Variants in CYP3A4 observed in about 807,000 individuals in gnomAD.
CYP3A4 encodes cytochrome P450 family 3 subfamily A member 4, also known as cytochrome P450 3A4.
CYP3A4 carries 41 observed loss-of-function variants against 54.9 expected under a neutral mutation model. The ratio of observed to expected loss-of-function variants is 0.75; its 90% CI spans 0.58 to 0.97. CYP3A4 has a LOEUF of 0.97. Ranked by LOEUF, CYP3A4 falls within the 50% of genes least tolerant of loss-of-function variation. The pLI, the probability that CYP3A4 is intolerant of heterozygous loss-of-function variation, is 0.00. For missense variants in CYP3A4, 510 were observed against 597.3 expected (o/e 0.85, Z 1.52); for synonymous variants, 179 against 205.2 (o/e 0.87, Z 1.09).
chr7:99,768,448 G>C lies in CYP3A4; in HGVS notation c.576C>G (p.Asn192Lys), dbSNP rs906783396. Reference sequence around the variant, plus strand: ...CTTGTGGATTGTTGAGAGAGTCGATGTTCACTCCAAATGATGTGCTAGTGA... The same window carrying C: ...CTTGTGGATTGTTGAGAGAGTCGATCTTCACTCCAAATGATGTGCTAGTGA... ...DVITSTSFGV[N>K]IDSLNNPQDP... Residue 192 changes from asparagine to lysine, a missense_variant, in exon 7 of 13, where the codon AAC becomes AAG. Asn to Lys is a moderately conservative substitution (Grantham distance 94). Coordinates refer to ENST00000651514, the MANE Select transcript of CYP3A4 (RefSeq NM_017460.6). The C allele has an allele frequency of 5.6e-6, 9 of 1,613,946 alleles. No individual in the cohort carries two copies. The highest frequency in any genetic ancestry group is 7.6e-6 in the Non-Finnish European group (9 of 1,179,960).
Position 99,760,904 on chromosome 7 carries a change from C to T in CYP3A4, c.1331G>A (p.Gly444Asp), listed in dbSNP as rs1162067586. ...PFGSGPRNCI[G>D]MRFALMNMKL... ...CATGTTCATGAGAGCAAACCTCATG[C>T]CAATGCAGTTTCTGGGTCCACTTCC... is the stretch of plus-strand genomic sequence containing the variant. The change falls in exon 12 of 13, where the codon GGC (glycine) becomes GAC (aspartate). Residue 444 changes from glycine to aspartate, a missense_variant. This residue lies in a region of CYP3A4 where 238 missense variants were observed against 322.5 expected (regional missense o/e 0.74). Transcript: ENST00000651514. The T allele has an allele frequency of 1.2e-6, 2 of 1,613,994 alleles. No individual in the cohort carries two copies. The highest frequency in any genetic ancestry group is 1.1e-5 in the South Asian group (1 of 91,076).
intron 4 of CYP3A4, among the ~76,000 whole-genome samples, chr7:99,770,714 A>G (rs1019706293): frequency 9.2e-5 from 14 of 152,342 alleles, no homozygotes; most frequent in African/African-American, 3.1e-4. Context: ...TTTTAAAAAA[A>G]ATAGTAGGTA....
intron 1 of CYP3A4, among the ~76,000 whole-genome samples, chr7:99,781,532 T>A (rs1448091717): frequency 4.6e-5 from 7 of 151,916 alleles, no homozygotes; most frequent in African/African-American, 1.5e-4. Context: ...CGAACTGGGG[T>A]TTCTGGATGT....
At chr7:99,778,518 C>T (rs956110890) in intron 2 of CYP3A4, among the ~76,000 whole-genome samples, 1 of 152,128 alleles carries the variant, frequency 6.6e-6, no homozygotes, top group Non-Finnish European at 1.5e-5. Flanking sequence ...TTCATGAGCT[C>T]GCTCTAGAGT....
At chr7:99,758,371 A>G (rs968388439) in intron 12 of CYP3A4, 143 bp from the exon 13 acceptor site, 1 of 897,092 alleles carries the variant, frequency 1.1e-6, no homozygotes, top group African/African-American at 1.7e-5. Flanking sequence ...ATGGGCAAAA[A>G]AAATGCAGTA....
intron 9 of CYP3A4, among the ~76,000 whole-genome samples, 190 bp downstream of exon 9, chr7:99,766,186 CT>C (rs2151557287): frequency 6.6e-6 from 1 of 152,208 alleles, no homozygotes; most frequent in East Asian, 1.9e-4. Flanking sequence ...GCCCTTTACT[CT>C]TAGAACATGG....
rs140728632 is a variant in CYP3A4, at chr7:99,771,900, C to T, written c.318+690G>A. 6.4e-3 allele frequency among the ~76,000 whole-genome samples: 975 copies of T among 152,138 alleles called. 11 individuals are homozygous for T. The highest frequency in any genetic ancestry group is 0.021 in the African/African-American group (891 of 41,516). ...AGCCATAAGCCACAAAAAAAATGAACCTTGATCTAAATCTCATACCTTATA... is the reference window on the plus strand; with the variant it reads ...AGCCATAAGCCACAAAAAAAATGAATCTTGATCTAAATCTCATACCTTATA... On this transcript the variant is annotated intron_variant, in intron 4 of 12. Transcript: ENST00000651514.
At chr7:99,772,507 A>G in intron 4 of CYP3A4, 83 bp downstream of exon 4, 1 of 1,559,810 alleles carries the variant, frequency 6.4e-7, no homozygotes, top group Non-Finnish European at 8.7e-7. Flanking sequence ...GACATTTTTT[A>G]GGCAACTGTC....
At chr7:99,767,330 C>A in intron 7 of CYP3A4, 72 bp from the exon 8 acceptor site, 2 of 1,313,756 alleles carry the variant, frequency 1.5e-6, no homozygotes, top group Non-Finnish European at 1.0e-6. Context: ...TGGAGCAATT[C>A]TAGTTTTCTC....
chr7:99,765,814 G>C (rs966152198), intron 9 of CYP3A4, among the ~76,000 whole-genome samples: 1 of 152,138 alleles, frequency 6.6e-6, no homozygotes, highest in African/African-American at 2.4e-5. Flanking sequence ...TTCCCCACAA[G>C]TTACTAATCC....
chr7:99,762,179 C>A lies in CYP3A4; in HGVS notation c.1115G>T (p.Arg372Ile), dbSNP rs374926260. Residue 372 changes from arginine to isoleucine, a missense_variant, in exon 11 of 13, where the codon AGA becomes ATA. Physicochemically the swap from Arg to Ile is moderately conservative, Grantham distance 97 (BLOSUM62 -3). This residue lies in a region of CYP3A4 where 238 missense variants were observed against 322.5 expected (regional missense o/e 0.74). Transcript: ENST00000651514. ...ETLRLFPIAM[R>I]LERVCKKDVE... Reference sequence around the variant, plus strand: ...ATCTTTTTTGCAGACCCTCTCAAGTCTCATAGCAATTGGGAATAATCTGAG... The same window carrying A: ...ATCTTTTTTGCAGACCCTCTCAAGTATCATAGCAATTGGGAATAATCTGAG... The A allele has an allele frequency of 6.2e-7, 1 of 1,613,940 alleles. No individual in the cohort carries two copies. Among genetic ancestry groups the A allele is most frequent in the Admixed American group, 1.7e-5 (1 of 60,008 alleles).
At chr7:99,758,681 T>C (rs1815243949) in intron 12 of CYP3A4, among the ~76,000 whole-genome samples, 1 of 152,248 alleles carries the variant, frequency 6.6e-6, no homozygotes, top group African/African-American at 2.4e-5. Context: ...ATTTTGTGTA[T>C]GTTGAAACTT....
intron 9 of CYP3A4, among the ~76,000 whole-genome samples, chr7:99,765,479 A>AGAT (rs1463214154): frequency 3.4e-5 from 5 of 148,600 alleles, no homozygotes; most frequent in African/African-American, 1.3e-4. Context: ...GATGATAGAT[A>AGAT]GATAGATGAT....
intron 9 of CYP3A4, among the ~76,000 whole-genome samples, chr7:99,765,471 TGATA>T (rs145748078): frequency 0.11 from 16,294 of 148,766 alleles, 955 homozygotes; most frequent in Middle Eastern, 0.17. Context: ...GATGGATAGA[TGATA>T]GATAGATAGA....
chr7:99,760,786 A>G, intron 12 of CYP3A4, 33 bp downstream of exon 12: 1 of 1,607,846 alleles, frequency 6.2e-7, no homozygotes, highest in Non-Finnish European at 8.5e-7. Context: ...AGAATTATTA[A>G]TACAACATTA....
chr7:99,779,272 G>C (rs1320040224), intron 2 of CYP3A4, among the ~76,000 whole-genome samples: 1 of 151,958 alleles, frequency 6.6e-6, no homozygotes, highest in Non-Finnish European at 1.5e-5. Flanking sequence ...AAATATCTGA[G>C]TTTGATTGAC....
rs1217509980 is a variant in CYP3A4, at chr7:99,772,704, C to A, written c.219-15G>T. On this transcript the variant is annotated splice_polypyrimidine_tract_variant and intron_variant, in intron 3 of 12. Coordinates refer to ENST00000651514, the MANE Select transcript of CYP3A4 (RefSeq NM_017460.6). The stretch of plus-strand genomic sequence containing the variant: ...CATCATAAAAGCTGTGTGAAAAAAA[C>A]AGAGTTGATTAAACATCAACAGCCT... 1 of 1,612,390 alleles carries A rather than the reference C, an allele frequency of 6.2e-7. No homozygotes were observed. The highest frequency in any genetic ancestry group is 1.1e-5 in the South Asian group (1 of 90,846).
intron 1 of CYP3A4, among the ~76,000 whole-genome samples, chr7:99,782,247 G>A (rs1203625083): frequency 3.9e-5 from 6 of 152,242 alleles, no homozygotes; most frequent in African/African-American, 1.4e-4. Context: ...GAATGATCTA[G>A]GTGAATGTCT....
rs779224668 is a variant in CYP3A4, at chr7:99,770,192, G to C, written c.362C>G (p.Ala121Gly). Residue 121 changes from alanine (A) to glycine (G), a missense_variant, in exon 5 of 13, where the codon GCT becomes GGT. Transcript: ENST00000651514. ...TAATCTCTTCCATTCTTCATCCTCA[G>C]CTATAGAGATGGCACTTTTCATAAA... ...VGFMKSAISI[A>G]EDEEWKRLRS... 6.2e-7 allele frequency: 1 copy of C among 1,613,772 alleles called. No individual in the cohort carries two copies. The highest frequency in any genetic ancestry group is 8.5e-7 in the Non-Finnish European group (1 of 1,179,778).
Sources: allele counts gnomAD v4.1 joint callset (sites outside exome capture counted in the v4.1 genomes callset), GRCh38; gene constraint gnomAD v4.1.1; regional missense constraint gnomAD v4.1.1; transcripts MANE v1.5; gene names NCBI Gene and HGNC (gene_info 2026-07-23, HGNC 2026-07-21).